Variants in CYP2C19 observed in about 807,000 individuals in gnomAD.
The protein encoded by CYP2C19 is cytochrome P450 family 2 subfamily C member 19, also known as cytochrome P450 2C19.
CYP2C19 carries 59 observed loss-of-function variants against 40.9 expected under a neutral mutation model. The ratio of observed to expected loss-of-function variants is 1.44; its 90% CI spans 1.17 to 1.79. The LOEUF (loss-of-function observed/expected upper bound fraction) is 1.79. CYP2C19 is among the 40% of genes most tolerant of loss of function. The pLI, the probability that CYP2C19 is intolerant of heterozygous loss-of-function variation, is 0.00. For missense variants in CYP2C19, 754 were observed against 596.9 expected, an observed-to-expected ratio of 1.26 and a Z score of -2.74; for synonymous variants, 253 against 208.7, an observed-to-expected ratio of 1.21 and a Z score of -1.83.
intron 6 of CYP2C19, among the ~76,000 whole-genome samples, chr10:94,841,805 A>C (rs1369685096): frequency 6.6e-6 from 1 of 152,090 alleles, no homozygotes. Flanking sequence ...TAGTTTCCAA[A>C]ATTCCTTGTG....
At chr10:94,767,962 C>A (rs1452686035) in intron 1 of CYP2C19, among the ~76,000 whole-genome samples, 2 of 152,086 alleles carry the variant, frequency 1.3e-5, no homozygotes, top group African/African-American at 2.4e-5. Context: ...GGCCTCAGCA[C>A]CTCCCTGATG....
intron 5 of CYP2C19, among the ~76,000 whole-genome samples, chr10:94,804,233 G>C (rs1368746846): frequency 1.3e-5 from 2 of 152,138 alleles, no homozygotes; most frequent in Non-Finnish European, 2.9e-5. Flanking sequence ...GCTAGTCCTG[G>C]CTGTAAATGT....
intron 6 of CYP2C19, among the ~76,000 whole-genome samples, chr10:94,833,992 T>G (rs902757686): frequency 2.0e-5 from 3 of 152,210 alleles, no homozygotes; most frequent in Non-Finnish European, 4.4e-5. Flanking sequence ...CTGATTTTGG[T>G]ATCAGGGTAA....
intron 8 of CYP2C19, 140 bp downstream of exon 8, chr10:94,850,198 T>C: frequency 1.0e-6 from 1 of 988,478 alleles, no homozygotes; most frequent in South Asian, 1.5e-5. Context: ...TGCCTGTGTT[T>C]TCTCCGCTGG....
At chr10:94,828,712 T>C (rs1188150159) in intron 6 of CYP2C19, among the ~76,000 whole-genome samples, 3 of 151,698 alleles carry the variant, frequency 2.0e-5, no homozygotes, top group Non-Finnish European at 4.4e-5. Flanking sequence ...CATTATGATG[T>C]TAGCTGGTTA....
intron 5 of CYP2C19, among the ~76,000 whole-genome samples, chr10:94,782,366 T>C (rs1848490462): frequency 6.6e-6 from 1 of 152,010 alleles, no homozygotes; most frequent in African/African-American, 2.4e-5. Flanking sequence ...CAGACACTTT[T>C]CAAAAGAAGT....
intron 5 of CYP2C19, among the ~76,000 whole-genome samples, chr10:94,802,551 T>A (rs1467631869): frequency 6.6e-6 from 1 of 152,184 alleles, no homozygotes. Context: ...TGCCAGTCTG[T>A]GTCTTTTAAC....
chr10:94,822,138 C>T (rs1273644735), intron 6 of CYP2C19, among the ~76,000 whole-genome samples: 2 of 152,036 alleles, frequency 1.3e-5, no homozygotes, highest in African/African-American at 4.8e-5. Context: ...TTTTTTATGG[C>T]TGCATAGTAT....
chr10:94,818,766 C>T (rs887538715), intron 5 of CYP2C19, among the ~76,000 whole-genome samples: 183 of 149,656 alleles, frequency 1.2e-3, no homozygotes, highest in Middle Eastern at 6.8e-3. Flanking sequence ...GCTGAAGTTG[C>T]TTATCAGCTT....
At chr10:94,829,549 C>T (rs1849293353) in intron 6 of CYP2C19, among the ~76,000 whole-genome samples, 1 of 152,114 alleles carries the variant, frequency 6.6e-6, no homozygotes, top group African/African-American at 2.4e-5. Flanking sequence ...TCTAGTTATA[C>T]CTTCTTCTAA....
At chr10:94,795,789 G>T (rs1848676040) in intron 5 of CYP2C19, among the ~76,000 whole-genome samples, 1 of 152,116 alleles carries the variant, frequency 6.6e-6, no homozygotes, top group Non-Finnish European at 1.5e-5. Context: ...TCTTTTGGCT[G>T]CATAAATGTC....
chr10:94,820,521 T>A lies in CYP2C19; in HGVS notation c.845T>A (p.Phe282Tyr). ...GAAAAGCAAAACCAACAGTCTGAAT[T>A]CACTATTGAAAACTTGGTAATCACT... is the stretch of plus-strand genomic sequence containing the variant. Reference protein sequence around the residue: ...EKEKQNQQSEFTIENLVITAA... With the variant: ...EKEKQNQQSEYTIENLVITAA... Residue 282 changes from phenylalanine to tyrosine, a missense_variant, in exon 6 of 9, where the codon TTC becomes TAC. By Grantham distance (22) the Phe-to-Tyr change is conservative. Transcript: ENST00000371321. 6.2e-7 allele frequency: 1 copy of A among 1,614,180 alleles called. No individual in the cohort carries two copies. Among genetic ancestry groups the A allele is most frequent in the Non-Finnish European group, 8.5e-7 (1 of 1,180,032 alleles).
intron 6 of CYP2C19, among the ~76,000 whole-genome samples, chr10:94,821,622 G>T (rs1372991517): frequency 6.6e-6 from 1 of 151,974 alleles, no homozygotes; most frequent in Non-Finnish European, 1.5e-5. Flanking sequence ...TATCTTTTAT[G>T]AACAACTTTA....
intron 3 of CYP2C19, 142 bp from the exon 4 acceptor site, chr10:94,780,357 T>C: frequency 2.8e-6 from 3 of 1,057,056 alleles, no homozygotes; most frequent in Non-Finnish European, 4.0e-6. Context: ...ATTTTATGCA[T>C]GCCAAACTCT....
intron 5 of CYP2C19, among the ~76,000 whole-genome samples, chr10:94,803,541 G>A (rs1029101749): frequency 6.6e-6 from 1 of 152,160 alleles, no homozygotes; most frequent in Non-Finnish European, 1.5e-5. Context: ...CAGCCCCAGG[G>A]GAATCAAGAT....
intron 5 of CYP2C19, among the ~76,000 whole-genome samples, chr10:94,810,868 C>T (rs1848912155): frequency 2.6e-5 from 4 of 151,802 alleles, no homozygotes; most frequent in Admixed American, 2.6e-4. Context: ...AAGGGATTTT[C>T]CTGTCTCTAT....
intron 6 of CYP2C19, among the ~76,000 whole-genome samples, chr10:94,837,335 G>A (rs1475766663): frequency 6.6e-6 from 1 of 152,170 alleles, no homozygotes; most frequent in African/African-American, 2.4e-5. Context: ...CTTTGGTAGG[G>A]AAAGGAGGTG....
At chr10:94,822,506 G>A (rs1849140343) in intron 6 of CYP2C19, among the ~76,000 whole-genome samples, 1 of 151,962 alleles carries the variant, frequency 6.6e-6, no homozygotes, top group South Asian at 2.1e-4. Context: ...CCATTTTTTT[G>A]CTATTGTGAA....
chr10:94,813,069 T>A (rs1306843475), intron 5 of CYP2C19, among the ~76,000 whole-genome samples: 1 of 152,014 alleles, frequency 6.6e-6, no homozygotes, highest in African/African-American at 2.4e-5. Context: ...ATCCTTTTTG[T>A]TGATGTTGAT....
Sources: gnomAD v4.1 joint callset for allele counts (sites outside exome capture counted in the v4.1 genomes callset) on GRCh38, gnomAD v4.1.1 for gene constraint, MANE v1.5 for transcripts, NCBI Gene and HGNC (gene_info 2026-07-23, HGNC 2026-07-21) for gene names.